OR7A10: variants seen among roughly 807,000 people sequenced by gnomAD.
OR7A10 encodes the protein olfactory receptor 7A10.
For synonymous variants in OR7A10, 144 were observed against 144.5 expected, an observed-to-expected ratio of 1.00 and a Z score of 0.02; for missense variants, 358 against 370.1, an observed-to-expected ratio of 0.97 and a Z score of 0.27.
chr19:14,846,695 G>A (rs144772270), intron 1 of OR7A10, among the ~76,000 whole-genome samples: 48 of 41,826 alleles, frequency 1.1e-3, no homozygotes, highest in African/African-American at 4.5e-3. Flanking sequence ...GGGTGACAGA[G>A]CGAGACTCCA....
rs1167137139 is a variant in OR7A10, at chr19:14,840,843, T to C, written c.*105A>G. ...AGAAGTTTAAACTCCAGGAAATAAA[T>C]GGAAGGGGCAAGTCTTCCTTCCACC... On this transcript the variant is annotated 3_prime_UTR_variant, in exon 2 of 2. Coordinates refer to ENST00000641129, the MANE Select transcript of OR7A10 (RefSeq NM_001005190.2). The C allele has an allele frequency of 2.6e-6, 2 of 761,676 alleles. No homozygotes were observed. Among genetic ancestry groups the C allele is most frequent in the Non-Finnish European group, 4.3e-6 (2 of 470,384 alleles). The allele number at this position is 761,676 out of a possible 1,614,324, so 47.2% of individuals were successfully genotyped here.
In OR7A10 at chr19:14,841,286, CTA is replaced by C. The variant is rs1162320653; in HGVS notation, c.590_591del (p.Ile197SerfsTer23). The C allele has an allele frequency of 1.2e-6, 2 of 1,614,086 alleles. No individual in the cohort carries two copies. The highest frequency in any genetic ancestry group is 2.2e-5 in the East Asian group (1 of 44,898). On this transcript the variant is annotated frameshift_variant, in exon 2 of 2. Transcript: ENST00000641129. LOFTEE classifies it low-confidence loss of function (END_TRUNC). Reference sequence around the variant, plus strand: ...AGCAGCGCTACTGCAAAATACATCACTATGTCATTAAGAAAGGTGTCAGAACA... The same window carrying C: ...AGCAGCGCTACTGCAAAATACATCACTGTCATTAAGAAAGGTGTCAGAACA... ...LACSDTFLND[I>X]VMYFAVALLG...
At chr19:14,845,528 C>A (rs73506465) in intron 1 of OR7A10, among the ~76,000 whole-genome samples, 2,053 of 151,940 alleles carry the variant, frequency 0.014, 33 homozygotes, top group African/African-American at 0.044. Flanking sequence ...TTGCTTAAAC[C>A]AAGCAATAAT....
At position 14,841,285 on chromosome 19, in the gene OR7A10, A is replaced by T. The variant is rs1383144328; in HGVS notation, c.593T>A (p.Val198Glu). The T allele has an allele frequency of 6.2e-7, 1 of 1,614,188 alleles. No homozygotes were observed. The highest frequency in any genetic ancestry group is 1.7e-5 in the Admixed American group (1 of 60,018). Residue 198 changes from valine (V) to glutamate (E), a missense_variant, in exon 2 of 2, where the codon GTG (valine) becomes GAG (glutamate). Physicochemically the swap from Val to Glu is moderately radical, Grantham distance 121. Coordinates refer to ENST00000641129, the MANE Select transcript of OR7A10 (RefSeq NM_001005190.2). The stretch of plus-strand genomic sequence containing the variant: ...CAGCAGCGCTACTGCAAAATACATC[A>T]CTATGTCATTAAGAAAGGTGTCAGA... ...ACSDTFLNDI[V>E]MYFAVALLGG... is the part of the protein sequence containing the mutation.
chr19:14,841,650 G>A lies in OR7A10; in HGVS notation c.228C>T (p.Thr76=). The change falls in exon 2 of 2, where the codon ACC becomes ACT. Residue 76 remains threonine, a synonymous_variant. Transcript: ENST00000641129. ...LSFVDICFVS[T]TVPKMLVNIQ... is the part of the protein sequence containing the mutation. ...TGTTCACCAGCATCTTCGGGACAGTGGTAGAGACAAAACAGATGTCTACGA... is the reference window on the plus strand; with the variant it reads ...TGTTCACCAGCATCTTCGGGACAGTAGTAGAGACAAAACAGATGTCTACGA... 1 of 1,614,152 alleles carries A rather than the reference G, an allele frequency of 6.2e-7. No homozygotes were observed. The highest frequency in any genetic ancestry group is 8.5e-7 in the Non-Finnish European group (1 of 1,180,030).
intron 1 of OR7A10, among the ~76,000 whole-genome samples, chr19:14,846,709 C>CAAAAA (rs60087409): frequency 1.4e-4 from 9 of 64,040 alleles, no homozygotes; most frequent in East Asian, 1.2e-3. Context: ...GACTCCATCT[C>CAAAAA]AAAAAAAAAA....
chr19:14,845,202 C>T (rs1355818834), intron 1 of OR7A10, among the ~76,000 whole-genome samples: 1 of 151,832 alleles, frequency 6.6e-6, no homozygotes, highest in African/African-American at 2.4e-5. Flanking sequence ...AGGCCAGGCA[C>T]GGTGGCTCAC....
In OR7A10 at chr19:14,840,803, G is replaced by A. The variant is rs75750664; in HGVS notation, c.*145C>T. 25 of 607,650 alleles carry A rather than the reference G, an allele frequency of 4.1e-5. No individual in the cohort carries two copies. The East Asian group carries it at 6.9e-4, about 17-fold the overall frequency. 37.6% of individuals were successfully genotyped at this position (607,650 alleles called of 1,614,324 possible). On this transcript the variant is annotated 3_prime_UTR_variant, in exon 2 of 2. Coordinates refer to ENST00000641129, the MANE Select transcript of OR7A10 (RefSeq NM_001005190.2). ...AGAAGAACAGTGTAAGCTCTATAAA[G>A]TAGTTGAGGAACAAAGAAGTTTAAA...
chr19:14,846,310 G>A (rs778631795), intron 1 of OR7A10, among the ~76,000 whole-genome samples: 1 of 152,116 alleles, frequency 6.6e-6, no homozygotes, highest in Non-Finnish European at 1.5e-5. Flanking sequence ...ATACAAAAGT[G>A]TGCATAATAT....
rs148564280 is a variant in OR7A10, at chr19:14,846,997, T to C, written c.-13+1503A>G. Among the ~76,000 whole-genome samples, 1,032 of 152,330 alleles carry C rather than the reference T, an allele frequency of 6.8e-3. 5 individuals carry two copies. Among genetic ancestry groups the C allele is most frequent in the Non-Finnish European group, 0.011 (782 of 68,032 alleles). On this transcript the variant is annotated intron_variant, in intron 1 of 1. Transcript: ENST00000641129. ...AATGTGACCGATGGATGGATTTGGC[T>C]ACACAAGCTTTTTAAACTTGCACAC...
In OR7A10 at chr19:14,841,559, A is replaced by G. The variant is rs190381456; in HGVS notation, c.319T>C (p.Phe107Leu). The G allele has an allele frequency of 2.5e-6, 4 of 1,614,168 alleles. No homozygotes were observed. The East Asian group carries it at 6.7e-5, about 27-fold the overall frequency. The change falls in exon 2 of 2, where the codon TTT becomes CTT. Residue 107 changes from phenylalanine (F) to leucine (L), a missense_variant. Physicochemically the swap from Phe to Leu is conservative, Grantham distance 22. Transcript: ENST00000641129. ...AGAAGGAAGTTATCCAATCCTACAA[A>G]GAGTAAGAAAAAGCACATCTGGGTG... ...CITQMCFFLL[F>L]VGLDNFLLTV...
At chr19:14,844,664 G>GTTTTTTTTTGTT (rs1555697162) in intron 1 of OR7A10, among the ~76,000 whole-genome samples, 8 of 97,666 alleles carry the variant, frequency 8.2e-5, no homozygotes, top group African/African-American at 3.2e-4. Flanking sequence ...TGAGTTCTGT[G>GTTTTTTTTTGTT]TTTTTTTTTT....
In OR7A10 at chr19:14,841,777, A is replaced by G. The variant is rs765255361; in HGVS notation, c.101T>C (p.Met34Thr). Residue 34 changes from methionine to threonine, a missense_variant, in exon 2 of 2, where the codon ATG (methionine) becomes ACG (threonine). By Grantham distance (81) the Met-to-Thr change is moderately conservative (BLOSUM62 -1). Transcript: ENST00000641129. ...GTTCCCGAGCACAGTGACCAGGTAC[A>G]TGGACAGGAACAGCCCAAAGAGGAA... Reference protein sequence around the residue: ...QAFLFGLFLSMYLVTVLGNLL... With the variant: ...QAFLFGLFLSTYLVTVLGNLL... 7 of 1,614,152 alleles carry G rather than the reference A, an allele frequency of 4.3e-6. No individual in the cohort carries two copies. Among genetic ancestry groups the G allele is most frequent in the Non-Finnish European group, 5.9e-6 (7 of 1,180,026 alleles).
chr19:14,847,766 G>A (rs879526844), intron 1 of OR7A10, among the ~76,000 whole-genome samples: 83 of 151,104 alleles, frequency 5.5e-4, no homozygotes, highest in Non-Finnish European at 9.0e-4. Flanking sequence ...CGCCTACCTC[G>A]GCCTCCCAAA....
chr19:14,848,754 T>A lies in OR7A10; in HGVS notation c.-267A>T, dbSNP rs1040002246. ...ATGCCTGCTCATTGGAGACATTTCC[T>A]CCTGTTATTCAACCCCTGATCACAT... On this transcript the variant is annotated 5_prime_UTR_variant, in exon 1 of 2. Transcript: ENST00000641129. 5 of 152,240 alleles carry A rather than the reference T, an allele frequency of 3.3e-5. No individual in the cohort carries two copies. Among genetic ancestry groups the A allele is most frequent in the African/African-American group, 1.2e-4 (5 of 41,452 alleles). 9.4% of individuals were successfully genotyped at this position (152,240 alleles called of 1,614,324 possible). A position where few individuals can be genotyped will look rare whatever the true frequency, so the allele number is the denominator to read the frequency against.
chr19:14,841,405 A>G lies in OR7A10; in HGVS notation c.473T>C (p.Leu158Ser), dbSNP rs1429765384. The change falls in exon 2 of 2, where the codon TTA becomes TCA. Residue 158 changes from leucine (L) to serine (S), a missense_variant. By Grantham distance (145) the Leu-to-Ser change is moderately radical. Transcript: ENST00000641129. ...SWIMSVLNSM[L>S]QSLMVLPLPF... ...CAGTGGCAACACCATTAAGCTTTGTAACATGGAATTCAGAACACTCATGAT... is the reference window on the plus strand; with the variant it reads ...CAGTGGCAACACCATTAAGCTTTGTGACATGGAATTCAGAACACTCATGAT... The G allele has an allele frequency of 3.1e-6, 5 of 1,614,192 alleles. No homozygotes were observed. In the South Asian group the frequency reaches 5.5e-5, roughly 18 times the overall value.
At chr19:14,844,441 G>A (rs898877408) in intron 1 of OR7A10, among the ~76,000 whole-genome samples, 2 of 152,126 alleles carry the variant, frequency 1.3e-5, no homozygotes, top group African/African-American at 4.8e-5. Context: ...AGGCTAACAA[G>A]GAATCCAGTG....
At chr19:14,842,461 G>A (rs937473899) in intron 1 of OR7A10, among the ~76,000 whole-genome samples, 1 of 152,188 alleles carries the variant, frequency 6.6e-6, no homozygotes, top group Non-Finnish European at 1.5e-5. Flanking sequence ...ATGTTGGCTA[G>A]GCTGGTCTTG....
At chr19:14,843,971 A>G (rs1258568196) in intron 1 of OR7A10, among the ~76,000 whole-genome samples, 2 of 152,198 alleles carry the variant, frequency 1.3e-5, no homozygotes, top group South Asian at 4.1e-4. Flanking sequence ...TGCGGGGCTT[A>G]AAACCTAGAT....
Sources: gnomAD v4.1 joint callset for allele counts (sites outside exome capture counted in the v4.1 genomes callset) on GRCh38, gnomAD v4.1.1 for gene constraint, MANE v1.5 for transcripts, NCBI Gene and HGNC (gene_info 2026-07-23, HGNC 2026-07-21) for gene names.